The following ABCC1 variants were observed in gnomAD, a reference collection of about 807,000 sequenced individuals.
ABCC1 encodes the protein multidrug resistance-associated protein 1.
A neutral mutation model predicts 172.9 loss-of-function variants in ABCC1; 83 were observed. The observed-to-expected ratio is 0.48, with a 90% CI of 0.40 to 0.58. The LOEUF is 0.58. ABCC1 is among the 20% of genes least tolerant of loss of function. The probability of loss-of-function intolerance (pLI) is 0.00; values close to 1 mark genes in which losing one functional copy is unlikely to be tolerated. For synonymous variants in ABCC1, 937 were observed against 825.2 expected, an observed-to-expected ratio of 1.14 and a Z score of -2.32; for missense variants, 1,817 against 2,002.7, an observed-to-expected ratio of 0.91 and a Z score of 1.77.
rs781742017 is a variant in ABCC1, at chr16:16,036,611, T to A, written c.809+8T>A. ...ATGCGCCAAGACTAGGAAGTAAGTGTGAGTTTCCTTGTCCTCCAGGATGCC... is the reference window on the plus strand; with the variant it reads ...ATGCGCCAAGACTAGGAAGTAAGTGAGAGTTTCCTTGTCCTCCAGGATGCC... On this transcript the variant is annotated splice_region_variant and intron_variant, in intron 7 of 30. Transcript: ENST00000399410. The A allele has an allele frequency of 2.5e-6, 4 of 1,612,966 alleles. No individual in the cohort carries two copies. Among genetic ancestry groups the A allele is most frequent in the Non-Finnish European group, 2.5e-6 (3 of 1,179,320 alleles).
Position 16,100,230 on chromosome 16 carries a change from G to A in ABCC1, c.2645-2397G>A, listed in dbSNP as rs115961624. Among the ~76,000 whole-genome samples the A allele has an allele frequency of 4.1e-3, 620 of 152,302 alleles. 11 individuals carry two copies. The highest frequency in any genetic ancestry group is 0.014 in the African/African-American group (600 of 41,572). The stretch of plus-strand genomic sequence containing the variant: ...TGTGGGCTAATTGGTGGGTTGAGAG[G>A]GTAAGACAGCCTTAGCGAGCACTGC... On this transcript the variant is annotated intron_variant, in intron 19 of 30. Coordinates refer to ENST00000399410, the MANE Select transcript of ABCC1 (RefSeq NM_004996.4).
At chr16:16,049,849 A>C (rs1472812085) in intron 10 of ABCC1, among the ~76,000 whole-genome samples, 1 of 151,574 alleles carries the variant, frequency 6.6e-6, no homozygotes. Context: ...ACGCCCATTA[A>C]ATTTTCTTTT....
chr16:16,142,581 A>G lies in ABCC1; in HGVS notation c.*1300A>G, dbSNP rs1183796061. The G allele has an allele frequency of 6.7e-6, 1 of 148,414 alleles. No individual in the cohort carries two copies. The allele number at this position is 148,414 out of a possible 1,614,324, so 9.2% of individuals were successfully genotyped here. A position where few individuals can be genotyped will look rare whatever the true frequency, so the allele number is the denominator to read the frequency against. ...GATGCTCTTCCAGGACACGAAAAGA[A>G]CCCATCTTTGAATATCAATGATTTT... On this transcript the variant is annotated 3_prime_UTR_variant, in exon 31 of 31. Transcript: ENST00000399410.
intron 18 of ABCC1, 45 bp downstream of exon 18, chr16:16,087,036 T>A: frequency 6.2e-7 from 1 of 1,608,398 alleles, no homozygotes; most frequent in Non-Finnish European, 8.5e-7. Flanking sequence ...CGTCTCGCCC[T>A]TTGGTTAAGT....
At chr16:16,043,485 A>G (rs1378489363) in intron 7 of ABCC1, among the ~76,000 whole-genome samples, 1 of 149,892 alleles carries the variant, frequency 6.7e-6, no homozygotes, top group African/African-American at 2.5e-5. Flanking sequence ...TTTAGTAGAG[A>G]TGAGGTTTCT....
At chr16:16,114,474 G>A (rs1254936711) in intron 22 of ABCC1, among the ~76,000 whole-genome samples, 1 of 151,928 alleles carries the variant, frequency 6.6e-6, no homozygotes, top group Non-Finnish European at 1.5e-5. Context: ...CCGAGTAGCT[G>A]GGATTACAGG....
chr16:16,012,408 T>C (rs1404573880), intron 3 of ABCC1, among the ~76,000 whole-genome samples: 1 of 152,134 alleles, frequency 6.6e-6, no homozygotes, highest in East Asian at 1.9e-4. Flanking sequence ...ATGGAGGGAA[T>C]GAGAGAGTAA....
intron 23 of ABCC1, among the ~76,000 whole-genome samples, chr16:16,121,390 G>A (rs1274949014): frequency 6.6e-6 from 1 of 152,230 alleles, no homozygotes; most frequent in Non-Finnish European, 1.5e-5. Flanking sequence ...CTGAGGCTTA[G>A]AGAAGTAAAG....
chr16:15,979,077 G>A (rs2046559348), intron 1 of ABCC1, among the ~76,000 whole-genome samples: 1 of 152,106 alleles, frequency 6.6e-6, no homozygotes, highest in South Asian at 2.1e-4. Context: ...CGGATCATGA[G>A]GTCAAGACAT....
At chr16:15,949,611 G>GCACCGCCGCCGCCGCCGC (rs1555470975), upstream of ABCC1, 1 of 163,454 alleles carries the variant, frequency 6.1e-6, no homozygotes, top group Admixed American at 7.2e-5. Flanking sequence ...CCGGCTCCCT[G>GCACCGCCGCCGCCGCCGC]CGCCGCCGCC....
chr16:15,984,158 G>A (rs1254122379), intron 1 of ABCC1, among the ~76,000 whole-genome samples: 1 of 152,210 alleles, frequency 6.6e-6, no homozygotes, highest in African/African-American at 2.4e-5. Context: ...GGTGAATACA[G>A]TGGGTTCCAC....
At chr16:15,952,030 C>T (rs1312261121) in intron 1 of ABCC1, among the ~76,000 whole-genome samples, 2 of 152,130 alleles carry the variant, frequency 1.3e-5, no homozygotes, top group African/African-American at 2.4e-5. Context: ...AGGCCAGGAG[C>T]GACTGGCCTC....
At chr16:16,039,578 G>A (rs1425466913) in intron 7 of ABCC1, among the ~76,000 whole-genome samples, 3 of 151,948 alleles carry the variant, frequency 2.0e-5, no homozygotes, top group South Asian at 4.2e-4. Context: ...TGAGAGAGGT[G>A]TTTTAGATAC....
At chr16:16,136,679 G>A in intron 29 of ABCC1, 35 bp downstream of exon 29, 2 of 1,610,370 alleles carry the variant, frequency 1.2e-6, no homozygotes, top group Admixed American at 3.4e-5. Flanking sequence ...ACCGGGTAAG[G>A]TGTCCTAGGC....
chr16:16,026,248 A>G (rs575748872), intron 5 of ABCC1, among the ~76,000 whole-genome samples: 54 of 151,690 alleles, frequency 3.6e-4, no homozygotes, highest in Non-Finnish European at 6.6e-4. Flanking sequence ...CCTGGCCAAC[A>G]TGATAAAACC....
intron 1 of ABCC1, among the ~76,000 whole-genome samples, chr16:16,006,587 A>G (rs939755922): frequency 1.3e-5 from 2 of 150,812 alleles, no homozygotes; most frequent in Admixed American, 1.3e-4. Context: ...AAGTAAAAGT[A>G]ATTGAAACAA....
At chr16:15,975,842 C>T (rs45557432) in intron 1 of ABCC1, among the ~76,000 whole-genome samples, 294 of 152,112 alleles carry the variant, frequency 1.9e-3, no homozygotes, top group African/African-American at 6.7e-3. Context: ...AGGCGTGAGC[C>T]GCCACACCTG....
chr16:16,038,841 C>T (rs957184477), intron 7 of ABCC1, among the ~76,000 whole-genome samples: 6 of 152,160 alleles, frequency 3.9e-5, no homozygotes, highest in South Asian at 2.1e-4. Context: ...TCATGGAAGA[C>T]GGATGCCCAC....
In ABCC1 at chr16:15,949,761, C is replaced by A; in HGVS notation, c.10C>A (p.Arg4=). 8.4e-6 allele frequency: 10 copies of A among 1,194,162 alleles called. No homozygotes were observed. Among genetic ancestry groups the A allele is most frequent in the Non-Finnish European group, 1.0e-5 (10 of 961,832 alleles). 74.0% of individuals were successfully genotyped at this position (1,194,162 alleles called of 1,614,324 possible). Residue 4 remains arginine, a synonymous_variant, in exon 1 of 31, where the codon CGG becomes AGG. Coordinates refer to ENST00000399410, the MANE Select transcript of ABCC1 (RefSeq NM_004996.4). MAL[R]GFCSADGSDP... is the part of the protein sequence containing the mutation. ...CGCCCGCGCCACCGGCATGGCGCTC[C>A]GGGGCTTCTGCAGCGCCGATGGCTC...
Sources: allele counts gnomAD v4.1 joint callset (sites outside exome capture counted in the v4.1 genomes callset), GRCh38; gene constraint gnomAD v4.1.1; transcripts MANE v1.5; gene names NCBI Gene and HGNC (gene_info 2026-07-23, HGNC 2026-07-21).